Variants in PARVG observed in about 807,000 individuals in gnomAD.
PARVG encodes the protein gamma-parvin.
In PARVG, 36 loss-of-function variants were observed where a neutral mutation model predicts 44.4. The ratio of observed to expected loss-of-function variants is 0.81; its 90% CI spans 0.62 to 1.07. The LOEUF (loss-of-function observed/expected upper bound fraction) is 1.07. Ranked by LOEUF, PARVG falls within the 50% of genes least tolerant of loss-of-function variation. PARVG has a pLI of 0.00. For synonymous variants in PARVG, 170 were observed against 174.1 expected (o/e 0.98, Z 0.19); for missense variants, 407 against 407.4 (o/e 1.00, Z 0.01).
At chr22:44,186,815 G>C in intron 4 of PARVG, 1 of 385,236 alleles carries the variant, frequency 2.6e-6, no homozygotes, top group Admixed American at 2.9e-5. Flanking sequence ...AAGCCTGCTG[G>C]GTACCCTGGA....
Position 44,181,888 on chromosome 22 carries a change from C to G in PARVG, c.-42C>G, listed in dbSNP as rs758567986. 6 of 985,492 alleles carry G rather than the reference C, an allele frequency of 6.1e-6. No individual in the cohort carries two copies. The highest frequency in any genetic ancestry group is 7.2e-6 in the Non-Finnish European group (6 of 830,024). The allele number at this position is 985,492 out of a possible 1,614,324, so 61.0% of individuals were successfully genotyped here. ...GGGACCACCCTTTGCACTCAGTAGGCCTTTGTTTTCCTGCGTGGAAAGCGG... is the reference window on the plus strand; with the variant it reads ...GGGACCACCCTTTGCACTCAGTAGGGCTTTGTTTTCCTGCGTGGAAAGCGG... On this transcript the variant is annotated 5_prime_UTR_variant, in exon 2 of 14. Transcript: ENST00000444313.
At chr22:44,200,320 G>T (rs763612744) in intron 12 of PARVG, among the ~76,000 whole-genome samples, 3 of 152,200 alleles carry the variant, frequency 2.0e-5, no homozygotes, top group Admixed American at 2.0e-4. Flanking sequence ...TGAGTCTTGT[G>T]CTCTTCGCCA....
chr22:44,200,938 C>T (rs764506199), intron 12 of PARVG, among the ~76,000 whole-genome samples: 1 of 152,018 alleles, frequency 6.6e-6, no homozygotes, highest in Non-Finnish European at 1.5e-5. Flanking sequence ...AAGTGGAGCA[C>T]CCAACTGCCA....
rs1447933168 is a variant in PARVG at position 44,194,845 on chromosome 22, C to CCA, written c.583+1022_583+1023insCA. Among the ~76,000 whole-genome samples the CCA allele has an allele frequency of 7.5e-3, 1,121 of 149,844 alleles. 12 individuals carry two copies. Among genetic ancestry groups the CCA allele is most frequent in the Middle Eastern group, 0.024 (7 of 292 alleles). On this transcript the variant is annotated intron_variant, in intron 9 of 13. Coordinates refer to ENST00000444313, the MANE Select transcript of PARVG (RefSeq NM_022141.7). The stretch of plus-strand genomic sequence containing the variant: ...TATATTCATCCATCCATCCATCCAT[C>CCA]TATCCATCCATCCACCCACACACCT...
Position 44,192,116 on chromosome 22 carries a change from A to G in PARVG, c.560+12A>G. 2.0e-6 allele frequency: 3 copies of G among 1,525,650 alleles called. No individual in the cohort carries two copies. The highest frequency in any genetic ancestry group is 2.7e-6 in the Non-Finnish European group (3 of 1,124,562). The allele number at this position is 1,525,650 out of a possible 1,614,324, so 94.5% of individuals were successfully genotyped here. Reference sequence around the variant, plus strand: ...CTCACTGAATACAGGTGAGGGAAGGATGAGGGCCCATGGGTGGGGCTGGGG... The same window carrying G: ...CTCACTGAATACAGGTGAGGGAAGGGTGAGGGCCCATGGGTGGGGCTGGGG... On this transcript the variant is annotated intron_variant, in intron 8 of 13. Transcript: ENST00000444313.
chr22:44,198,315 ACT>A (rs2054644920), intron 11 of PARVG, among the ~76,000 whole-genome samples: 1 of 151,988 alleles, frequency 6.6e-6, no homozygotes. Context: ...TTTACACTTA[ACT>A]CTGTTTTCCC....
Position 44,187,430 on chromosome 22 carries a change from A to G in PARVG, c.145-346A>G, listed in dbSNP as rs1026478498. ...CTTCAGGGCAATCTAGGCTTTTTCTATCAAGTGCTCATTGTCCAATTCTTT... is the reference window on the plus strand; with the variant it reads ...CTTCAGGGCAATCTAGGCTTTTTCTGTCAAGTGCTCATTGTCCAATTCTTT... On this transcript the variant is annotated intron_variant, in intron 4 of 13. Transcript: ENST00000444313. 3.2e-5 allele frequency: 11 copies of G among 346,144 alleles called. 1 individual carries two copies. Among genetic ancestry groups the G allele is most frequent in the African/African-American group, 6.2e-5 (3 of 48,504 alleles). The allele number at this position is 346,144 out of a possible 1,614,324, so 21.4% of individuals were successfully genotyped here.
At chr22:44,192,325 G>C (rs180673781) in intron 8 of PARVG, among the ~76,000 whole-genome samples, 2,171 of 152,210 alleles carry the variant, frequency 0.014, 19 homozygotes, top group Middle Eastern at 0.054. Flanking sequence ...GCCCCTCCCA[G>C]CCACCCTGCT....
In PARVG at chr22:44,196,255, C is replaced by A. The variant is rs768792855; in HGVS notation, c.642+42C>A. On this transcript the variant is annotated intron_variant, in intron 10 of 13. Transcript: ENST00000444313. ...CTCTCAGCGGCTCTCAGGCTGCCCA[C>A]CCCACCCACTGCCCACCTGCGCTGT... 1.1e-5 allele frequency: 18 copies of A among 1,613,848 alleles called. No homozygotes were observed. The Admixed American group carries it at 3.0e-4, about 27-fold the overall frequency.
rs2054802988 is a variant in PARVG, at chr22:44,208,063, A to T, written c.*1637A>T. 1 of 152,324 alleles carries T rather than the reference A, an allele frequency of 6.6e-6. No homozygotes were observed. The highest frequency in any genetic ancestry group is 1.5e-5 in the Non-Finnish European group (1 of 68,056). 9.4% of individuals were successfully genotyped at this position (152,324 alleles called of 1,614,324 possible). Reference sequence around the variant, plus strand: ...GGCTCAGCCTCTCTCAGCTGGCTTCATCCCAAAAGCCTGAAATCCAGCCCC... The same window carrying T: ...GGCTCAGCCTCTCTCAGCTGGCTTCTTCCCAAAAGCCTGAAATCCAGCCCC... On this transcript the variant is annotated 3_prime_UTR_variant, in exon 14 of 14. Transcript: ENST00000444313.
At position 44,207,618 on chromosome 22, in the gene PARVG, G is replaced by A. The variant is rs1246860067; in HGVS notation, c.*1192G>A. ...TTTGACAGCTGAGGCCTTGGGGAGG[G>A]GCTTTAGATGGGGGTTAGGGGCTAG... On this transcript the variant is annotated 3_prime_UTR_variant, in exon 14 of 14. Transcript: ENST00000444313. 2 of 152,212 alleles carry A rather than the reference G, an allele frequency of 1.3e-5. No individual in the cohort carries two copies. Among genetic ancestry groups the A allele is most frequent in the African/African-American group, 4.8e-5 (2 of 41,388 alleles). The allele number at this position is 152,212 out of a possible 1,614,324, so 9.4% of individuals were successfully genotyped here. A position where few individuals can be genotyped will look rare whatever the true frequency, so the allele number is the denominator to read the frequency against.
chr22:44,189,683 G>A (rs1051458627), intron 6 of PARVG, among the ~76,000 whole-genome samples: 17 of 152,184 alleles, frequency 1.1e-4, no homozygotes, highest in Non-Finnish European at 5.9e-5. Context: ...TTGGGAGGCC[G>A]AGGCGGGTGG....
chr22:44,183,492 C>G (rs1184955374), intron 3 of PARVG, 84 bp downstream of exon 3: 3 of 1,333,512 alleles, frequency 2.2e-6, no homozygotes, highest in African/African-American at 3.0e-5. Flanking sequence ...ACTTGCAGCA[C>G]CTTCCCAGCT....
chr22:44,202,636 C>T (rs1013814123), intron 12 of PARVG, among the ~76,000 whole-genome samples: 2 of 152,254 alleles, frequency 1.3e-5, no homozygotes, highest in Non-Finnish European at 2.9e-5. Flanking sequence ...TGTGGGCAAT[C>T]TCTGCTGCAG....
Position 44,182,285 on chromosome 22 carries a change from G to GGGGTTT in PARVG, c.-13+370_-13+375dup, listed in dbSNP as rs1328744613. 6.6e-6 allele frequency among the ~76,000 whole-genome samples: 1 copy of GGGGTTT among 152,232 alleles called. No homozygotes were observed. The highest frequency in any genetic ancestry group is 1.5e-5 in the Non-Finnish European group (1 of 68,044). ...CATGCATCAGGACCAGAGAGGGCAG[G>GGGGTTT]GGGTTTGCCCAACGTCACACAGCCT... On this transcript the variant is annotated intron_variant, in intron 2 of 13. Transcript: ENST00000444313. This position sits in a 1 kb window ranked among gnomAD's most constrained non-coding sequence, Gnocchi z 4.6.
intron 7 of PARVG, among the ~76,000 whole-genome samples, 178 bp from the exon 8 acceptor site, chr22:44,191,871 G>T (rs2147229024): frequency 6.6e-6 from 1 of 152,240 alleles, no homozygotes; most frequent in East Asian, 1.9e-4. Context: ...GAGACTCTGG[G>T]GATGCCTTGG....
chr22:44,196,223 A>T lies in PARVG; in HGVS notation c.642+10A>T, dbSNP rs2147233432. The T allele has an allele frequency of 6.2e-7, 1 of 1,614,184 alleles. No homozygotes were observed. The highest frequency in any genetic ancestry group is 2.2e-5 in the East Asian group (1 of 44,886). On this transcript the variant is annotated intron_variant, in intron 10 of 13. Coordinates refer to ENST00000444313, the MANE Select transcript of PARVG (RefSeq NM_022141.7). Reference sequence around the variant, plus strand: ...GAACGCAGTGAAAGAGGTAGGAGAGATCAAAGCTCTCAGCGGCTCTCAGGC... The same window carrying T: ...GAACGCAGTGAAAGAGGTAGGAGAGTTCAAAGCTCTCAGCGGCTCTCAGGC...
At chr22:44,173,511 T>C (rs914595027) in intron 1 of PARVG, among the ~76,000 whole-genome samples, 1 of 151,622 alleles carries the variant, frequency 6.6e-6, no homozygotes, top group African/African-American at 2.4e-5. Flanking sequence ...CCAGGATGGG[T>C]AGCCTGGAGA....
At chr22:44,197,922 T>G (rs1460503397) in intron 11 of PARVG, among the ~76,000 whole-genome samples, 1 of 152,192 alleles carries the variant, frequency 6.6e-6, no homozygotes, top group Non-Finnish European at 1.5e-5. Context: ...GGTAAAATAA[T>G]GGGTTTCAGA....
Sources: allele counts gnomAD v4.1 joint callset (sites outside exome capture counted in the v4.1 genomes callset), GRCh38; gene constraint gnomAD v4.1.1; non-coding constraint Gnocchi (gnomAD v3.1); transcripts MANE v1.5; gene names NCBI Gene and HGNC (gene_info 2026-07-23, HGNC 2026-07-21).